MORN1: variants seen among roughly 807,000 people sequenced by gnomAD.
MORN1 encodes MORN repeat containing 1.
A neutral mutation model predicts 61.9 loss-of-function variants in MORN1; 67 were observed. The observed-to-expected ratio is 1.08, with a 90% CI of 0.89 to 1.33. The LOEUF is 1.33. Among genes scored for constraint, MORN1 ranks in the 40% most tolerant of loss-of-function variants. The probability of loss-of-function intolerance (pLI) is 0.00; values close to 1 mark genes in which losing one functional copy is unlikely to be tolerated. For synonymous variants in MORN1, 301 were observed against 292.0 expected (o/e 1.03, Z -0.31); for missense variants, 752 against 691.2 (o/e 1.09, Z -0.99).
At chr1:2,378,844 A>C in intron 6 of MORN1, 1 of 439,494 alleles carries the variant, frequency 2.3e-6, no homozygotes. Flanking sequence ...CTGAGGCGTC[A>C]CAGGCTGGTG....
At chr1:2,327,266 A>G (rs1641052185) in intron 12 of MORN1, among the ~76,000 whole-genome samples, 1 of 151,896 alleles carries the variant, frequency 6.6e-6, no homozygotes, top group Non-Finnish European at 1.5e-5. Flanking sequence ...AAACACAGAA[A>G]CAAACACAGA....
At chr1:2,377,786 AG>A (rs1225215903) in intron 6 of MORN1, 2 of 152,378 alleles carry the variant, frequency 1.3e-5, no homozygotes, top group Non-Finnish European at 2.9e-5. Flanking sequence ...GGTGAAGAGC[AG>A]GGGCTCCAGC....
rs916550766 is a variant in MORN1 at position 2,334,531 on chromosome 1, G to T, written c.1250+1938C>A. Reference sequence around the variant, plus strand: ...CTGCATGGAGAGGCGGGGCTCCCTTGGGGGAGCAGGCCTGGTTTTGGGCTG... The same window carrying T: ...CTGCATGGAGAGGCGGGGCTCCCTTTGGGGAGCAGGCCTGGTTTTGGGCTG... On this transcript the variant is annotated intron_variant, in intron 12 of 13. Transcript: ENST00000378531. The surrounding 1 kb of genome is among the most constrained non-coding windows in gnomAD (Gnocchi z 5.4). 1.3e-5 allele frequency among the ~76,000 whole-genome samples: 2 copies of T among 152,070 alleles called. No individual in the cohort carries two copies. Among genetic ancestry groups the T allele is most frequent in the South Asian group, 2.1e-4 (1 of 4,828 alleles).
chr1:2,360,144 G>T (rs943848079), intron 8 of MORN1, among the ~76,000 whole-genome samples: 67 of 152,324 alleles, frequency 4.4e-4, no homozygotes, highest in African/African-American at 1.6e-3. Flanking sequence ...CAGGTCCAGG[G>T]CCTGGTCATG....
intron 3 of MORN1, 133 bp downstream of exon 3, chr1:2,388,106 C>T (rs941156143): frequency 2.2e-5 from 15 of 685,018 alleles, no homozygotes; most frequent in African/African-American, 8.9e-5. Flanking sequence ...CAGGGCTTCT[C>T]GGTAGGCCAG....
At chr1:2,356,728 C>A (rs540966004) in intron 10 of MORN1, among the ~76,000 whole-genome samples, 1 of 152,218 alleles carries the variant, frequency 6.6e-6, no homozygotes, top group Non-Finnish European at 1.5e-5. Flanking sequence ...CTGTGCTGCG[C>A]GGGAGGGTTT....
chr1:2,338,076 T>G (rs1641317498), intron 10 of MORN1, among the ~76,000 whole-genome samples: 1 of 152,028 alleles, frequency 6.6e-6, no homozygotes, highest in Non-Finnish European at 1.5e-5. Flanking sequence ...GGCAGCCCCC[T>G]CTGTGGGGCT....
intron 9 of MORN1, 89 bp downstream of exon 9, chr1:2,358,503 C>A: frequency 6.4e-7 from 1 of 1,552,226 alleles, no homozygotes; most frequent in South Asian, 1.1e-5. Flanking sequence ...TAGCCCAGGT[C>A]TCTAGGGAAA....
At chr1:2,348,749 GCACA>G (rs1270806331) in intron 10 of MORN1, among the ~76,000 whole-genome samples, 1,213 of 68,504 alleles carry the variant, frequency 0.018, 1 homozygote, top group Middle Eastern at 0.036. Context: ...GCGCGGGCAC[GCACA>G]CACACGCACA....
At chr1:2,327,105 AAC>A (rs1301169305) in intron 12 of MORN1, among the ~76,000 whole-genome samples, 4 of 150,494 alleles carry the variant, frequency 2.7e-5, no homozygotes, top group Non-Finnish European at 4.4e-5. Context: ...AACACACAGA[AAC>A]ACACAGAAAC....
chr1:2,370,934 G>A (rs773102194), intron 8 of MORN1, among the ~76,000 whole-genome samples: 15 of 151,864 alleles, frequency 9.9e-5, no homozygotes, highest in East Asian at 3.9e-4. Flanking sequence ...GGCCGGGCAC[G>A]GTGGCTCACG....
intron 10 of MORN1, among the ~76,000 whole-genome samples, chr1:2,354,796 G>A (rs1395019063): frequency 2.0e-5 from 3 of 152,200 alleles, no homozygotes; most frequent in Non-Finnish European, 2.9e-5. Context: ...ACATCAGAGT[G>A]AAAGCAGCAG....
In MORN1 at chr1:2,357,443, C is replaced by T. The variant is rs144116299; in HGVS notation, c.1025G>A (p.Gly342Asp). 16 of 1,607,112 alleles carry T rather than the reference C, an allele frequency of 1.0e-5. No homozygotes were observed. The African/African-American group carries it at 1.9e-4, about 19-fold the overall frequency. The change falls in exon 10 of 14, where the codon GGT becomes GAT. Residue 342 changes from glycine (G) to aspartate (D), a missense_variant. Transcript: ENST00000378531. This position sits in a 1 kb window ranked among gnomAD's most constrained non-coding sequence, Gnocchi z 6.3. ...GALHGQEDTP[G>D]GLLARGHAPH... ...TGAGCTCCACTTACCAAGCAGGCCA[C>T]CAGGGGTGTCCTCCTGGCCATGGAG...
rs1320297021 is a variant in MORN1 at position 2,324,125 on chromosome 1, C to T, written c.1269G>A (p.Thr423=). 1.7e-5 allele frequency: 27 copies of T among 1,600,788 alleles called. No individual in the cohort carries two copies. Among genetic ancestry groups the T allele is most frequent in the African/African-American group, 4.0e-5 (3 of 74,940 alleles). The stretch of plus-strand genomic sequence containing the variant: ...GGTGTGCTGCCGCAGCCTGCTCCTC[C>T]GTGGCTCTCCCCTCAGGCCTGTGGA... ...PGGSRPEGRA[T]EEQAAAAHLG... The change falls in exon 13 of 14, where the codon ACG becomes ACA. Residue 423 remains threonine, a synonymous_variant. Transcript: ENST00000378531.
At chr1:2,381,969 G>A (rs999199634) in intron 6 of MORN1, among the ~76,000 whole-genome samples, 2 of 152,326 alleles carry the variant, frequency 1.3e-5, no homozygotes, top group Non-Finnish European at 1.5e-5. Context: ...CCAGGAGGGA[G>A]GGCGCCGTCC....
chr1:2,367,688 G>A (rs892012839), intron 8 of MORN1, among the ~76,000 whole-genome samples: 17 of 152,014 alleles, frequency 1.1e-4, no homozygotes, highest in South Asian at 8.3e-4. Context: ...GTGCAGTGGC[G>A]TGATCTCGGC....
intron 12 of MORN1, among the ~76,000 whole-genome samples, chr1:2,335,368 C>CACTCAT (rs1157594720): frequency 3.9e-5 from 6 of 152,062 alleles, no homozygotes; most frequent in Non-Finnish European, 8.8e-5. Context: ...CTCACACTCA[C>CACTCAT]GTCCGCTTCT....
Position 2,334,924 on chromosome 1 carries a change from G to A in MORN1, c.1250+1545C>T, listed in dbSNP as rs902154213. On this transcript the variant is annotated intron_variant, in intron 12 of 13. Coordinates refer to ENST00000378531, the MANE Select transcript of MORN1 (RefSeq NM_024848.3). This position sits in a 1 kb window ranked among gnomAD's most constrained non-coding sequence, Gnocchi z 5.4. ...AGTGGAGGTGCCGCCCTGGGCGTTC[G>A]GGTCTGTGTGAGTCTGTGGGAGTGA... is the stretch of plus-strand genomic sequence containing the variant. 2.6e-5 allele frequency among the ~76,000 whole-genome samples: 4 copies of A among 152,334 alleles called. No homozygotes were observed. The highest frequency in any genetic ancestry group is 5.9e-5 in the Non-Finnish European group (4 of 68,028).
At chr1:2,322,454 C>G (rs1001729115) in intron 13 of MORN1, 2 of 982,972 alleles carry the variant, frequency 2.0e-6, no homozygotes, top group Non-Finnish European at 2.4e-6. Context: ...GCGGCCTCCT[C>G]GGCCAGGCCA....
Sources: gnomAD v4.1 joint callset for allele counts (sites outside exome capture counted in the v4.1 genomes callset) on GRCh38, gnomAD v4.1.1 for gene constraint, Gnocchi (gnomAD v3.1) non-coding constraint, MANE v1.5 for transcripts, NCBI Gene and HGNC (gene_info 2026-07-23, HGNC 2026-07-21) for gene names.